The following OR51B5 variants were observed in gnomAD, a reference collection of about 807,000 sequenced individuals.
OR51B5 encodes the protein olfactory receptor 51B5.
For missense variants in OR51B5, 456 were observed against 374.6 expected (o/e 1.22, Z -1.79); for synonymous variants, 186 against 144.8 (o/e 1.28, Z -2.04).
intron 1 of OR51B5, among the ~76,000 whole-genome samples, chr11:5,369,357 A>T (rs1300947680): frequency 6.6e-6 from 1 of 152,208 alleles, no homozygotes; most frequent in Non-Finnish European, 1.5e-5. Flanking sequence ...ACTATTAACA[A>T]TAATATTTTA....
intron 1 of OR51B5, among the ~76,000 whole-genome samples, chr11:5,501,065 T>C (rs1033248774): frequency 6.8e-6 from 1 of 147,990 alleles, no homozygotes; most frequent in Non-Finnish European, 1.5e-5. Context: ...GCCCTGAGTT[T>C]GGGGAAATTA....
upstream of OR51B5, chr11:5,343,651 A>T (rs1018507515): frequency 1.8e-6 from 1 of 551,112 alleles, no homozygotes; most frequent in East Asian, 2.9e-5. Context: ...AATGACATCA[A>T]TATAAGTGAT....
chr11:5,384,940 T>C (rs962440145), intron 1 of OR51B5, among the ~76,000 whole-genome samples: 2 of 152,218 alleles, frequency 1.3e-5, no homozygotes, highest in Non-Finnish European at 2.9e-5. Flanking sequence ...AGTCCTTGTG[T>C]TTAGGTGCAG....
intron 1 of OR51B5, among the ~76,000 whole-genome samples, chr11:5,480,573 G>A: frequency 6.6e-6 from 1 of 151,762 alleles, no homozygotes; most frequent in Non-Finnish European, 1.5e-5. Flanking sequence ...CCAGGAGCTG[G>A]TTTTTTGAAA....
At chr11:5,390,045 T>G in intron 1 of OR51B5, 1 of 1,613,634 alleles carries the variant, frequency 6.2e-7, no homozygotes, top group Middle Eastern at 1.6e-4. Flanking sequence ...ATGGTGGTAG[T>G]TTTCACTGTG....
At chr11:5,343,576 C>T (rs12800563), upstream of OR51B5, 1 of 654,660 alleles carries the variant, frequency 1.5e-6, no homozygotes, top group Non-Finnish European at 2.7e-6. Flanking sequence ...TACCACAGTG[C>T]ACAGTTCTAC....
chr11:5,465,658 T>C (rs1032427813), intron 1 of OR51B5, among the ~76,000 whole-genome samples: 3 of 141,112 alleles, frequency 2.1e-5, no homozygotes, highest in African/African-American at 8.0e-5. Flanking sequence ...ACGACGCATA[T>C]CTACAACTAT....
At chr11:5,486,331 A>C (rs1851499034) in intron 1 of OR51B5, among the ~76,000 whole-genome samples, 1 of 152,128 alleles carries the variant, frequency 6.6e-6, no homozygotes, top group South Asian at 2.1e-4. Context: ...CTTTGCTAAA[A>C]TCTAAGCTCT....
intron 1 of OR51B5, among the ~76,000 whole-genome samples, chr11:5,349,247 C>G (rs188869770): frequency 4.1e-4 from 62 of 152,072 alleles, no homozygotes; most frequent in Non-Finnish European, 7.7e-4. Context: ...AATATGAAAA[C>G]AGACAAGACA....
chr11:5,352,401 G>A, intron 1 of OR51B5: 1 of 1,612,094 alleles, frequency 6.2e-7, no homozygotes, highest in Non-Finnish European at 8.5e-7. Flanking sequence ...AGCAGATTCA[G>A]AGTGGCATAC....
intron 1 of OR51B5, among the ~76,000 whole-genome samples, chr11:5,415,046 G>A (rs376326913): frequency 3.3e-4 from 50 of 152,064 alleles, no homozygotes; most frequent in Middle Eastern, 3.4e-3. Flanking sequence ...CTCAGCAAAT[G>A]TAAAAGAACA....
Position 5,458,512 on chromosome 11 carries a change from T to C in OR51B5, n.84+47057A>G, listed in dbSNP as rs189101394. Reference sequence around the variant, plus strand: ...TTCTGAGAAGATGTTGGTAGTTTGATAGGAATAATGTTGAATCTCTGAATT... The same window carrying C: ...TTCTGAGAAGATGTTGGTAGTTTGACAGGAATAATGTTGAATCTCTGAATT... On this transcript the variant is annotated intron_variant and non_coding_transcript_variant, in intron 1 of 4. Transcript: ENST00000415970. Among the ~76,000 whole-genome samples, 6 of 152,332 alleles carry C rather than the reference T, an allele frequency of 3.9e-5. No individual in the cohort carries two copies. The East Asian group carries it at 7.7e-4, about 20-fold the overall frequency.
At chr11:5,352,088 G>A (rs781265361) in intron 1 of OR51B5, 19 of 1,613,948 alleles carry the variant, frequency 1.2e-5, no homozygotes, top group East Asian at 8.9e-5. Context: ...ACCTTCAACC[G>A]TCTCTATCCA....
intron 1 of OR51B5, among the ~76,000 whole-genome samples, chr11:5,412,734 G>C (rs1850168921): frequency 6.6e-6 from 1 of 152,048 alleles, no homozygotes; most frequent in Non-Finnish European, 1.5e-5. Context: ...CAGCCAGGCT[G>C]GGGGAGGGGC....
intron 1 of OR51B5, among the ~76,000 whole-genome samples, chr11:5,471,070 A>T (rs446541): frequency 0.15 from 22,612 of 152,164 alleles, 1,807 homozygotes; most frequent in Admixed American, 0.18. Context: ...AATTCTGATC[A>T]TTCATTTCAT....
rs1156916793 is a variant in OR51B5 at position 5,389,935 on chromosome 11, C to G, written n.85-43025G>C. Reference sequence around the variant, plus strand: ...TTGTCCTCCTCCTGAAGGCTTTTCCCTACTGTGGATCTGTGGTCCTCTCCC... The same window carrying G: ...TTGTCCTCCTCCTGAAGGCTTTTCCGTACTGTGGATCTGTGGTCCTCTCCC... On this transcript the variant is annotated intron_variant and non_coding_transcript_variant, in intron 1 of 4. Coordinates refer to the OR51B5 transcript ENST00000415970. 4 of 1,611,208 alleles carry G rather than the reference C, an allele frequency of 2.5e-6. No homozygotes were observed. The African/African-American group carries it at 5.3e-5, about 22-fold the overall frequency.
chr11:5,343,684 G>T, upstream of OR51B5: 1 of 526,912 alleles, frequency 1.9e-6, no homozygotes, highest in Non-Finnish European at 3.3e-6. Context: ...TACATTCTCA[G>T]GGTTACTCAT....
intron 1 of OR51B5, among the ~76,000 whole-genome samples, chr11:5,493,205 T>C (rs545586678): frequency 6.6e-6 from 1 of 152,304 alleles, no homozygotes; most frequent in South Asian, 2.1e-4. Context: ...AGAATGAAGA[T>C]ATGTATAATT....
At chr11:5,498,746 T>C (rs552580561) in intron 1 of OR51B5, among the ~76,000 whole-genome samples, 3 of 152,312 alleles carry the variant, frequency 2.0e-5, no homozygotes, top group Admixed American at 1.3e-4. Flanking sequence ...AGGCATTCAA[T>C]AGAACTTTCG....
Sources: allele counts gnomAD v4.1 joint callset (sites outside exome capture counted in the v4.1 genomes callset), GRCh38; gene constraint gnomAD v4.1.1; transcripts MANE v1.5; gene names NCBI Gene and HGNC (gene_info 2026-07-23, HGNC 2026-07-21).